The following ZNF365 variants were observed in gnomAD, a reference collection of about 807,000 sequenced individuals.
The protein encoded by ZNF365 is protein ZNF365.
Under a neutral mutation model 35.0 loss-of-function variants are expected in ZNF365, and 22 were observed. The ratio of observed to expected loss-of-function variants is 0.63; its 90% CI spans 0.45 to 0.90. ZNF365 has a LOEUF of 0.90. Among genes scored for constraint, ZNF365 ranks in the 40% least tolerant of loss-of-function variants. The pLI is 0.00. For missense variants in ZNF365, 448 were observed against 500.3 expected (o/e 0.90, Z 1.00); for synonymous variants, 188 against 196.2 (o/e 0.96, Z 0.35).
intron 2 of ZNF365, among the ~76,000 whole-genome samples, chr10:62,377,507 T>G (rs1229496124): frequency 6.6e-6 from 1 of 152,234 alleles, no homozygotes; most frequent in Admixed American, 6.5e-5. Context: ...GAGGAAAGAC[T>G]TTCTGATATT....
intron 4 of ZNF365, among the ~76,000 whole-genome samples, chr10:62,470,319 G>A (rs1841013762): frequency 1.3e-5 from 2 of 152,166 alleles, no homozygotes; most frequent in Admixed American, 6.6e-5. Context: ...CCCCATTGAG[G>A]GCGAGGAATC....
intron 4 of ZNF365, among the ~76,000 whole-genome samples, chr10:62,470,486 A>G (rs1427448100): frequency 6.6e-6 from 1 of 152,238 alleles, no homozygotes; most frequent in East Asian, 1.9e-4. Flanking sequence ...GCATGCATAC[A>G]CAGGATAAGG....
chr10:62,477,819 A>C (rs1841157873), intron 4 of ZNF365, among the ~76,000 whole-genome samples: 1 of 152,184 alleles, frequency 6.6e-6, no homozygotes. Flanking sequence ...AGCAAACATC[A>C]CTTTCACCCA....
At chr10:62,391,687 T>A (rs1839632977) in intron 3 of ZNF365, among the ~76,000 whole-genome samples, 1 of 152,270 alleles carries the variant, frequency 6.6e-6, no homozygotes, top group Non-Finnish European at 1.5e-5. Flanking sequence ...ATTTTTTCAA[T>A]TGCAAATTGT....
At chr10:62,447,057 A>G (rs544518198) in intron 3 of ZNF365, among the ~76,000 whole-genome samples, 27 of 152,316 alleles carry the variant, frequency 1.8e-4, no homozygotes, top group African/African-American at 5.1e-4. Context: ...TTTGTAGGCA[A>G]GGGTGTATTA....
Position 62,402,002 on chromosome 10 carries a change from A to G in ZNF365, c.*2213A>G. 1 of 985,642 alleles carries G rather than the reference A, an allele frequency of 1.0e-6. No homozygotes were observed. Among genetic ancestry groups the G allele is most frequent in the Middle Eastern group, 5.2e-4 (1 of 1,914 alleles). The allele number at this position is 985,642 out of a possible 1,614,324, so 61.1% of individuals were successfully genotyped here. A position where few individuals can be genotyped will look rare whatever the true frequency, so the allele number is the denominator to read the frequency against. ...TGTGCCTCCTTAGAGACATAAATTT[A>G]GTGTCAAAACATGGGAGATGGCTTA... On this transcript the variant is annotated 3_prime_UTR_variant, in exon 5 of 5. Coordinates refer to ENST00000395254, the MANE Select transcript of ZNF365 (RefSeq NM_014951.3).
chr10:62,383,714 ATGTCTTTGATTTTTCTGAATTAACC>A (rs955570340), intron 2 of ZNF365, among the ~76,000 whole-genome samples: 7 of 152,228 alleles, frequency 4.6e-5, no homozygotes, highest in Non-Finnish European at 1.0e-4. Flanking sequence ...ACATGATAGC[ATGTCTTTGATTTTTCTGAATTAACC>A]TGTCTTTAAC....
downstream of ZNF365, among the ~76,000 whole-genome samples, chr10:62,406,985 G>T (rs1192531789): frequency 1.3e-5 from 2 of 152,170 alleles, no homozygotes; most frequent in Admixed American, 6.5e-5. Context: ...CCTTGCCAGA[G>T]GGTCAAGTAT....
At chr10:62,464,427 C>A (rs539895990) in intron 4 of ZNF365, among the ~76,000 whole-genome samples, 4 of 152,180 alleles carry the variant, frequency 2.6e-5, no homozygotes, top group African/African-American at 9.7e-5. Context: ...TCCAGAGGGG[C>A]AAGGAGTGTT....
intron 3 of ZNF365, among the ~76,000 whole-genome samples, chr10:62,446,564 AG>A (rs2132469228): frequency 6.6e-6 from 1 of 151,676 alleles, no homozygotes; most frequent in African/African-American, 2.4e-5. Context: ...GCTAGGCAGA[AG>A]GAAACAGCAA....
chr10:62,449,987 T>C (rs1840652961), intron 3 of ZNF365, among the ~76,000 whole-genome samples: 1 of 152,042 alleles, frequency 6.6e-6, no homozygotes, highest in South Asian at 2.1e-4. Context: ...CAGAAAAGAG[T>C]GTAGGCTGGG....
rs1370987797 is a variant in ZNF365 at position 62,385,276 on chromosome 10, G to A, written c.744-3120G>A. 5.3e-5 allele frequency among the ~76,000 whole-genome samples: 8 copies of A among 152,240 alleles called. No individual in the cohort carries two copies. In the East Asian group the frequency reaches 1.5e-3, roughly 29 times the overall value. ...AAGGTATTAACTTCTCAGCTTCAGGGCACAAGATAATTGGTTGAGAGAAGT... is the reference window on the plus strand; with the variant it reads ...AAGGTATTAACTTCTCAGCTTCAGGACACAAGATAATTGGTTGAGAGAAGT... On this transcript the variant is annotated intron_variant, in intron 2 of 4. Coordinates refer to ENST00000395254, the MANE Select transcript of ZNF365 (RefSeq NM_014951.3).
At chr10:62,460,597 T>C (rs1564598439) in intron 4 of ZNF365, among the ~76,000 whole-genome samples, 1 of 152,080 alleles carries the variant, frequency 6.6e-6, no homozygotes, top group Non-Finnish European at 1.5e-5. Flanking sequence ...AAGCAAAACC[T>C]CAGATAAGTG....
chr10:62,377,457 T>C (rs1288194590), intron 2 of ZNF365, among the ~76,000 whole-genome samples: 1 of 152,248 alleles, frequency 6.6e-6, no homozygotes, highest in Non-Finnish European at 1.5e-5. Context: ...ATCCATTTAA[T>C]TTAATTTATA....
chr10:62,477,028 C>T (rs1036731570), intron 4 of ZNF365, among the ~76,000 whole-genome samples: 7 of 152,154 alleles, frequency 4.6e-5, no homozygotes, highest in South Asian at 2.1e-4. Flanking sequence ...TTCAGCATCT[C>T]GTTATTGAGT....
chr10:62,380,185 A>G (rs929445344), intron 2 of ZNF365, among the ~76,000 whole-genome samples: 21 of 152,358 alleles, frequency 1.4e-4, no homozygotes, highest in African/African-American at 4.8e-4. Flanking sequence ...GGTTGTTTGA[A>G]TTGAGAATAC....
intron 3 of ZNF365, among the ~76,000 whole-genome samples, chr10:62,419,593 A>G (rs558120812): frequency 3.9e-4 from 59 of 152,026 alleles, no homozygotes; most frequent in Non-Finnish European, 6.8e-4. Flanking sequence ...TTGGGTGCAC[A>G]TTGTTTAGCT....
At chr10:62,480,066 G>T in exon 5 of ZNF365, 1 of 1,332,880 alleles carries the variant, frequency 7.5e-7, no homozygotes, top group Non-Finnish European at 9.9e-7. Context: ...ACCAGGAGTG[G>T]GTTCAGACTC....
chr10:62,386,258 G>T (rs1839524696), intron 2 of ZNF365, among the ~76,000 whole-genome samples: 1 of 152,142 alleles, frequency 6.6e-6, no homozygotes, highest in South Asian at 2.1e-4. Flanking sequence ...ATTGGCTTGT[G>T]TTCATGGCCT....
Sources: allele counts gnomAD v4.1 joint callset (sites outside exome capture counted in the v4.1 genomes callset), GRCh38; gene constraint gnomAD v4.1.1; transcripts MANE v1.5; gene names NCBI Gene and HGNC (gene_info 2026-07-23, HGNC 2026-07-21).